The following KLHL20 variants were observed in gnomAD, a reference collection of about 807,000 sequenced individuals.
The protein encoded by KLHL20 is kelch-like protein 20.
A neutral mutation model predicts 69.5 loss-of-function variants in KLHL20; 29 were observed. The observed-to-expected ratio is 0.42, with a 90% CI of 0.31 to 0.57. The LOEUF is 0.57. Ranked by LOEUF, KLHL20 falls within the 20% of genes least tolerant of loss-of-function variation. KLHL20 has a pLI of 0.18. For missense variants in KLHL20, 419 were observed against 776.0 expected (o/e 0.54, Z 5.47); for synonymous variants, 253 against 265.2 (o/e 0.95, Z 0.45).
At position 173,742,750 on chromosome 1, in the gene KLHL20, ATATG is replaced by A. The variant is rs575548979; in HGVS notation, c.597+8468_597+8471del. 7.7e-3 allele frequency among the ~76,000 whole-genome samples: 1,164 copies of A among 151,182 alleles called. 9 individuals carry two copies. The highest frequency in any genetic ancestry group is 0.01 in the Non-Finnish European group (692 of 67,686). On this transcript the variant is annotated intron_variant, in intron 3 of 11. Transcript: ENST00000209884. ...TATATACATGTGTGTATATATGTAAATATGTATATATACACGTATATTTCAGCAT... is the reference window on the plus strand; with the variant it reads ...TATATACATGTGTGTATATATGTAAATATATATACACGTATATTTCAGCAT...
At chr1:173,745,709 TTTGTC>T (rs1201683223) in intron 3 of KLHL20, among the ~76,000 whole-genome samples, 1 of 152,316 alleles carries the variant, frequency 6.6e-6, no homozygotes, top group Admixed American at 6.5e-5. Flanking sequence ...ATTGTTTTCT[TTTGTC>T]TAGTTGCTTG....
At position 173,730,406 on chromosome 1, in the gene KLHL20, T is replaced by C. The variant is rs965804602; in HGVS notation, c.24-3307T>C. On this transcript the variant is annotated intron_variant, in intron 2 of 11. Transcript: ENST00000209884. ...TATGGAACCAAAAAAGAGCCCGCATTGCCAAGTCAATCCTAAGCCAAAAGA... is the reference window on the plus strand; with the variant it reads ...TATGGAACCAAAAAAGAGCCCGCATCGCCAAGTCAATCCTAAGCCAAAAGA... Among the ~76,000 whole-genome samples the C allele has an allele frequency of 2.0e-3, 298 of 151,064 alleles. 2 individuals are homozygous for C. The highest frequency in any genetic ancestry group is 6.7e-3 in the African/African-American group (277 of 41,172).
intron 8 of KLHL20, among the ~76,000 whole-genome samples, chr1:173,773,587 G>A (rs1648249274): frequency 6.6e-6 from 1 of 151,946 alleles, no homozygotes; most frequent in Non-Finnish European, 1.5e-5. Context: ...ATAGGATGTA[G>A]TAGAGAGTAA....
chr1:173,735,321 C>A (rs1672475970), intron 3 of KLHL20, among the ~76,000 whole-genome samples: 1 of 152,030 alleles, frequency 6.6e-6, no homozygotes, highest in South Asian at 2.1e-4. Flanking sequence ...TGGCGTGCAC[C>A]CTTAGTCCCA....
At chr1:173,774,511 T>A in intron 9 of KLHL20, 73 bp downstream of exon 9, 1 of 1,532,652 alleles carries the variant, frequency 6.5e-7, no homozygotes, top group African/African-American at 1.4e-5. Context: ...CTACAAAACG[T>A]GTAGAAACTC....
intron 8 of KLHL20, among the ~76,000 whole-genome samples, chr1:173,768,123 CATA>C (rs1647849822): frequency 6.6e-6 from 1 of 152,046 alleles, no homozygotes; most frequent in Non-Finnish European, 1.5e-5. Context: ...GAAATGATTA[CATA>C]ATAATACTTT....
intron 10 of KLHL20, among the ~76,000 whole-genome samples, chr1:173,778,520 G>T (rs184934726): frequency 6.6e-6 from 1 of 150,570 alleles, no homozygotes; most frequent in Non-Finnish European, 1.5e-5. Flanking sequence ...TTTTTTTTTG[G>T]TAGAGTTGGG....
chr1:173,785,123 T>A, intron 11 of KLHL20, 40 bp from the exon 12 acceptor site: 1 of 1,522,698 alleles, frequency 6.6e-7, no homozygotes, highest in Non-Finnish European at 9.1e-7. Context: ...TGTAACATAT[T>A]TTCCAGTTAG....
At chr1:173,738,923 A>G (rs907952418) in intron 3 of KLHL20, among the ~76,000 whole-genome samples, 4 of 152,070 alleles carry the variant, frequency 2.6e-5, no homozygotes, top group South Asian at 2.1e-4. Context: ...TTTTGCATCT[A>G]TGTTCATCAG....
At chr1:173,728,855 G>A (rs547114327) in intron 2 of KLHL20, among the ~76,000 whole-genome samples, 162 of 152,320 alleles carry the variant, frequency 1.1e-3, no homozygotes, top group Admixed American at 9.1e-3. Flanking sequence ...AAAGCTAGCA[G>A]AAGGCAAGAA....
intron 11 of KLHL20, 23 bp from the exon 12 acceptor site, chr1:173,785,140 T>C (rs374216265): frequency 3.8e-6 from 6 of 1,595,176 alleles, no homozygotes; most frequent in African/African-American, 1.3e-5. Flanking sequence ...TTAGAAAATA[T>C]GATTATGTTT....
intron 7 of KLHL20, among the ~76,000 whole-genome samples, chr1:173,760,250 G>A (rs1262349425): frequency 6.6e-6 from 1 of 152,132 alleles, no homozygotes; most frequent in Non-Finnish European, 1.5e-5. Context: ...AGAATAATCG[G>A]TATATCCGAG....
At chr1:173,728,556 G>T (rs949148758) in intron 2 of KLHL20, among the ~76,000 whole-genome samples, 2 of 152,174 alleles carry the variant, frequency 1.3e-5, no homozygotes, top group African/African-American at 4.8e-5. Context: ...TCAGACCACA[G>T]TGCAATCAAA....
At chr1:173,736,131 G>T (rs1168491446) in intron 3 of KLHL20, among the ~76,000 whole-genome samples, 2 of 151,846 alleles carry the variant, frequency 1.3e-5, no homozygotes, top group East Asian at 3.9e-4. Context: ...ATTTTTATTA[G>T]AGATGGGGTT....
intron 8 of KLHL20, among the ~76,000 whole-genome samples, chr1:173,771,224 C>A (rs1053557966): frequency 9.2e-5 from 14 of 152,186 alleles, no homozygotes; most frequent in African/African-American, 3.1e-4. Context: ...GAACAAACTT[C>A]AGACAAAATT....
intron 2 of KLHL20, among the ~76,000 whole-genome samples, chr1:173,726,023 C>T (rs1671941451): frequency 1.3e-5 from 2 of 152,102 alleles, no homozygotes; most frequent in African/African-American, 4.8e-5. Context: ...CAGATGGCAC[C>T]TGGAAAATCG....
At chr1:173,760,780 A>G (rs954742798) in intron 7 of KLHL20, among the ~76,000 whole-genome samples, 1 of 152,200 alleles carries the variant, frequency 6.6e-6, no homozygotes, top group African/African-American at 2.4e-5. Context: ...AGCATAAATC[A>G]CACAGTACCC....
At chr1:173,719,356 T>A (rs1471152665) in intron 2 of KLHL20, among the ~76,000 whole-genome samples, 1 of 152,040 alleles carries the variant, frequency 6.6e-6, no homozygotes, top group Non-Finnish European at 1.5e-5. Context: ...CTCACACCTG[T>A]AATCCCAGCA....
chr1:173,732,210 A>C (rs957549413), intron 2 of KLHL20, among the ~76,000 whole-genome samples: 1 of 151,756 alleles, frequency 6.6e-6, no homozygotes, highest in Admixed American at 6.6e-5. Context: ...AAAAAAAAAA[A>C]CCAGTGTGAT....
Sources: allele counts gnomAD v4.1 joint callset (sites outside exome capture counted in the v4.1 genomes callset), GRCh38; gene constraint gnomAD v4.1.1; transcripts MANE v1.5; gene names NCBI Gene and HGNC (gene_info 2026-07-23, HGNC 2026-07-21).